The following SRPK2 variants were observed in gnomAD, a reference collection of about 807,000 sequenced individuals.
SRPK2 encodes the protein SRSF protein kinase 2.
SRPK2 carries 21 observed loss-of-function variants against 90.8 expected under a neutral mutation model. The observed-to-expected ratio is 0.23, with a 90% CI of 0.16 to 0.33. The LOEUF (loss-of-function observed/expected upper bound fraction) is 0.33. Ranked by LOEUF, SRPK2 falls within the 10% of genes least tolerant of loss-of-function variation. The probability of loss-of-function intolerance (pLI) is 1.00; values close to 1 mark genes in which losing one functional copy is unlikely to be tolerated. For missense variants in SRPK2, 620 were observed against 869.0 expected (o/e 0.71, Z 3.60); for synonymous variants, 288 against 311.1 (o/e 0.93, Z 0.78).
At chr7:105,332,860 G>C (rs1156910886) in intron 2 of SRPK2, 1 of 151,836 alleles carries the variant, frequency 6.6e-6, no homozygotes, top group African/African-American at 2.4e-5. Flanking sequence ...CCCTGCCCAA[G>C]GATGACTCAC....
Position 105,116,768 on chromosome 7 carries a change from T to G in SRPK2, c.*1070A>C, listed in dbSNP as rs962335083. The G allele has an allele frequency of 6.6e-6, 1 of 152,482 alleles. No individual in the cohort carries two copies. The highest frequency in any genetic ancestry group is 6.5e-5 in the Admixed American group (1 of 15,282). The allele number at this position is 152,482 out of a possible 1,614,324, so 9.4% of individuals were successfully genotyped here. ...CAATGAAAAAGCTAGTAAAATTTGTTGTAGCCACACGTAAAGCTACCTATG... is the reference window on the plus strand; with the variant it reads ...CAATGAAAAAGCTAGTAAAATTTGTGGTAGCCACACGTAAAGCTACCTATG... On this transcript the variant is annotated 3_prime_UTR_variant, in exon 16 of 16. Coordinates refer to ENST00000393651, the MANE Select transcript of SRPK2 (RefSeq NM_182692.3).
At chr7:105,382,567 A>AC (rs1821073870) in intron 2 of SRPK2, among the ~76,000 whole-genome samples, 1 of 151,564 alleles carries the variant, frequency 6.6e-6, no homozygotes, top group African/African-American at 2.4e-5. Context: ...AAAAAAAAAA[A>AC]AAAAAAAAAA....
chr7:105,172,243 A>C (rs939823647), intron 3 of SRPK2, among the ~76,000 whole-genome samples: 2 of 152,244 alleles, frequency 1.3e-5, no homozygotes, highest in Non-Finnish European at 2.9e-5. Context: ...GCAGGAAATG[A>C]AACAGTTTAT....
intron 2 of SRPK2, among the ~76,000 whole-genome samples, chr7:105,263,836 T>G (rs1310046145): frequency 6.6e-6 from 1 of 152,214 alleles, no homozygotes; most frequent in Admixed American, 6.5e-5. Context: ...TCCATATACG[T>G]ATCTTCAATG....
intron 2 of SRPK2, among the ~76,000 whole-genome samples, chr7:105,338,035 T>C (rs1344687759): frequency 6.6e-6 from 1 of 150,806 alleles, no homozygotes; most frequent in African/African-American, 2.4e-5. Flanking sequence ...TTTCTAAGTC[T>C]GAAGTTTCCT....
At chr7:105,361,884 C>A (rs78335389) in intron 2 of SRPK2, among the ~76,000 whole-genome samples, 5,939 of 152,124 alleles carry the variant, frequency 0.039, 412 homozygotes, top group African/African-American at 0.14. Flanking sequence ...AGGAAGAAAA[C>A]CTAGGCAATA....
chr7:105,236,014 G>A (rs1174572440), intron 2 of SRPK2, among the ~76,000 whole-genome samples: 1 of 152,198 alleles, frequency 6.6e-6, no homozygotes, highest in Non-Finnish European at 1.5e-5. Flanking sequence ...GCCTGAATAA[G>A]ATCTGTGGTT....
chr7:105,357,659 G>A (rs1048786671), intron 2 of SRPK2, among the ~76,000 whole-genome samples: 1 of 151,856 alleles, frequency 6.6e-6, no homozygotes, highest in Admixed American at 6.6e-5. Flanking sequence ...CAAGAGAATT[G>A]CTTGAACCCA....
intron 2 of SRPK2, among the ~76,000 whole-genome samples, chr7:105,347,056 G>C (rs1023314540): frequency 1.1e-4 from 16 of 150,082 alleles, no homozygotes; most frequent in African/African-American, 3.9e-4. Context: ...CTATGAGATA[G>C]ACTGGCTTTT....
chr7:105,313,880 A>G lies in SRPK2; in HGVS notation c.71+74768T>C, dbSNP rs139463933. 2.8e-3 allele frequency among the ~76,000 whole-genome samples: 421 copies of G among 152,334 alleles called. 4 individuals are homozygous for G. Among genetic ancestry groups the G allele is most frequent in the African/African-American group, 9.8e-3 (409 of 41,576 alleles). On this transcript the variant is annotated intron_variant, in intron 2 of 15. Transcript: ENST00000393651. ...AAAACATTCAAATAGAAAAACAAGC[A>G]AAGTAAAAGAACTGGCAGTATACAA...
At chr7:105,324,744 G>T (rs930623097) in intron 2 of SRPK2, among the ~76,000 whole-genome samples, 2 of 152,190 alleles carry the variant, frequency 1.3e-5, no homozygotes, top group South Asian at 4.1e-4. Flanking sequence ...AAAATTAGCC[G>T]AATGTGGTGG....
intron 2 of SRPK2, among the ~76,000 whole-genome samples, chr7:105,367,686 T>C (rs1321850222): frequency 1.3e-5 from 2 of 152,006 alleles, no homozygotes; most frequent in African/African-American, 4.8e-5. Context: ...AGTTATGATT[T>C]AACACTGCAC....
chr7:105,232,134 G>A (rs886131949), intron 2 of SRPK2, among the ~76,000 whole-genome samples: 2 of 152,112 alleles, frequency 1.3e-5, no homozygotes, highest in African/African-American at 2.4e-5. Flanking sequence ...AGAATTCAAG[G>A]CATGAGCCAC....
At chr7:105,155,637 C>T (rs933839287) in intron 7 of SRPK2, among the ~76,000 whole-genome samples, 6 of 152,244 alleles carry the variant, frequency 3.9e-5, no homozygotes, top group South Asian at 2.1e-4. Flanking sequence ...GGGGCCTACA[C>T]GTAGTTATGG....
intron 2 of SRPK2, among the ~76,000 whole-genome samples, chr7:105,321,002 T>TA (rs972903556): frequency 6.7e-5 from 8 of 119,838 alleles, no homozygotes; most frequent in Non-Finnish European, 1.5e-4. Context: ...AGCTAGTTTT[T>TA]AAAATTTTTT....
intron 2 of SRPK2, among the ~76,000 whole-genome samples, chr7:105,216,382 G>C (rs1201290818): frequency 6.6e-6 from 1 of 152,120 alleles, no homozygotes; most frequent in African/African-American, 2.4e-5. Context: ...AGTGACTGGT[G>C]AGATGAAGGA....
intron 2 of SRPK2, among the ~76,000 whole-genome samples, chr7:105,328,731 G>A (rs564982799): frequency 8.6e-5 from 13 of 151,728 alleles, no homozygotes; most frequent in Admixed American, 2.6e-4. Context: ...CGGGCATAGC[G>A]GCAGGCACCT....
chr7:105,169,574 A>C (rs1185685805), intron 3 of SRPK2, among the ~76,000 whole-genome samples: 2 of 152,130 alleles, frequency 1.3e-5, no homozygotes, highest in Non-Finnish European at 2.9e-5. Context: ...GAAAAATACA[A>C]AAATCAGCAG....
chr7:105,381,830 G>A (rs1820984981), intron 2 of SRPK2, among the ~76,000 whole-genome samples: 1 of 152,146 alleles, frequency 6.6e-6, no homozygotes, highest in African/African-American at 2.4e-5. Context: ...CAAGGGTTGA[G>A]GCTTACTGAA....
Sources: allele counts gnomAD v4.1 joint callset (sites outside exome capture counted in the v4.1 genomes callset), GRCh38; gene constraint gnomAD v4.1.1; transcripts MANE v1.5; gene names NCBI Gene and HGNC (gene_info 2026-07-23, HGNC 2026-07-21).